ZC2HC1B: variants seen among roughly 807,000 people sequenced by gnomAD.
ZC2HC1B encodes the protein zinc finger C2HC-type containing 1B, also known as zinc finger C2HC domain-containing protein 1B.
A neutral mutation model predicts 31.0 loss-of-function variants in ZC2HC1B; 36 were observed. The ratio of observed to expected loss-of-function variants is 1.16; its 90% CI spans 0.89 to 1.54. ZC2HC1B has a LOEUF of 1.54. ZC2HC1B is among the 40% of genes most tolerant of loss of function. The pLI is 0.00. For missense variants in ZC2HC1B, 260 were observed against 268.6 expected (o/e 0.97, Z 0.22); for synonymous variants, 73 against 88.0 (o/e 0.83, Z 0.95).
rs755483406 is a variant in ZC2HC1B at position 143,886,046 on chromosome 6, A to G, written c.105A>G (p.Pro35=). The G allele has an allele frequency of 6.5e-6, 10 of 1,536,344 alleles. No individual in the cohort carries two copies. Among genetic ancestry groups the G allele is most frequent in the African/African-American group, 1.4e-5 (1 of 72,068 alleles). The stretch of plus-strand genomic sequence containing the variant: ...TCGTTTTCTAGGAAAGGCATGGACC[A>G]ATATGTAAGAAACTCTTCAACAGAA... ...FAADVLERHG[P]ICKKLFNRKR... is the part of the protein sequence containing the mutation. Residue 35 remains proline, a synonymous_variant, in exon 3 of 8, where the codon CCA becomes CCG. Transcript: ENST00000237275. The surrounding 1 kb of genome is among the most constrained non-coding windows in gnomAD (Gnocchi z 4.2).
At chr6:143,928,824 G>GGT (rs1554241647) in intron 6 of ZC2HC1B, among the ~76,000 whole-genome samples, 70 of 142,320 alleles carry the variant, frequency 4.9e-4, no homozygotes, top group Non-Finnish European at 7.3e-4. Context: ...TATTCCTAGG[G>GGT]TTTTTTTTTT....
chr6:143,900,041 C>A (rs961783281), intron 5 of ZC2HC1B, among the ~76,000 whole-genome samples: 1 of 152,118 alleles, frequency 6.6e-6, no homozygotes, highest in African/African-American at 2.4e-5. Flanking sequence ...ACAAAACATC[C>A]AGCTTGTGGC....
chr6:143,927,910 T>C (rs1419647071), intron 6 of ZC2HC1B, among the ~76,000 whole-genome samples: 1 of 152,224 alleles, frequency 6.6e-6, no homozygotes, highest in Non-Finnish European at 1.5e-5. Flanking sequence ...TTTTTTCATA[T>C]GCTTTTTGGG....
chr6:143,890,832 A>G (rs769262220), intron 4 of ZC2HC1B, among the ~76,000 whole-genome samples: 9 of 152,168 alleles, frequency 5.9e-5, no homozygotes, highest in Non-Finnish European at 1.2e-4. Context: ...ATAAACAATT[A>G]AAAAATGAAA....
intron 6 of ZC2HC1B, among the ~76,000 whole-genome samples, chr6:143,904,383 T>A (rs778417238): frequency 3.3e-5 from 5 of 152,152 alleles, no homozygotes; most frequent in Non-Finnish European, 7.3e-5. Flanking sequence ...TTTGTTTGTT[T>A]GAGACAGGGT....
At chr6:143,898,950 T>C (rs1777704158) in intron 5 of ZC2HC1B, among the ~76,000 whole-genome samples, 1 of 152,220 alleles carries the variant, frequency 6.6e-6, no homozygotes. Flanking sequence ...ATACATAGTG[T>C]TTCTATAGCA....
intron 4 of ZC2HC1B, among the ~76,000 whole-genome samples, chr6:143,888,867 T>C (rs961509482): frequency 2.0e-5 from 3 of 152,028 alleles, no homozygotes; most frequent in Non-Finnish European, 4.4e-5. Context: ...CCCTTCCCAA[T>C]TGATATGTCT....
rs572902106 is a variant in ZC2HC1B, at chr6:143,883,432, C to T, written c.29-872C>T. Reference sequence around the variant, plus strand: ...CCTTTCTCACATCTATCTTCCACAGCTCTGTTTAATTCTTCCAACTTAATG... The same window carrying T: ...CCTTTCTCACATCTATCTTCCACAGTTCTGTTTAATTCTTCCAACTTAATG... On this transcript the variant is annotated intron_variant, in intron 1 of 7. Transcript: ENST00000237275. This position sits in a 1 kb window ranked among gnomAD's most constrained non-coding sequence, Gnocchi z 4.1. Among the ~76,000 whole-genome samples the T allele has an allele frequency of 9.2e-5, 14 of 152,324 alleles. No homozygotes were observed. The highest frequency in any genetic ancestry group is 1.2e-4 in the Non-Finnish European group (8 of 68,026).
chr6:143,874,252 A>G (rs1264585386), intron 1 of ZC2HC1B, among the ~76,000 whole-genome samples: 1 of 152,162 alleles, frequency 6.6e-6, no homozygotes, highest in East Asian at 1.9e-4. Context: ...GATCACCTCA[A>G]CCTGGACCTT....
In ZC2HC1B at chr6:143,896,607, A is replaced by G. The variant is rs1777668572; in HGVS notation, c.350-1945A>G. Among the ~76,000 whole-genome samples the G allele has an allele frequency of 1.1e-4, 16 of 152,326 alleles. 1 individual carries two copies. The South Asian group carries it at 3.3e-3, about 32-fold the overall frequency. Reference sequence around the variant, plus strand: ...TATAGCAATAGCTAGCATTTACAAAACATTTAGTATGTTCCACCCCGCCCA... The same window carrying G: ...TATAGCAATAGCTAGCATTTACAAAGCATTTAGTATGTTCCACCCCGCCCA... On this transcript the variant is annotated intron_variant, in intron 4 of 7. Transcript: ENST00000237275.
Position 143,918,897 on chromosome 6 carries a change from TG to T in ZC2HC1B, c.598+15747del, listed in dbSNP as rs1777951846. On this transcript the variant is annotated intron_variant, in intron 6 of 7. Transcript: ENST00000237275. The surrounding 1 kb of genome is among the most constrained non-coding windows in gnomAD (Gnocchi z 4.1). ...TATTTTTCAGTTCTAGAATTTTATT[TG>T]GTTTCTTTTCAGGATTTATCTTCGT... is the stretch of plus-strand genomic sequence containing the variant. Among the ~76,000 whole-genome samples, 1 of 152,182 alleles carries T rather than the reference TG, an allele frequency of 6.6e-6. No homozygotes were observed. Among genetic ancestry groups the T allele is most frequent in the South Asian group, 2.1e-4 (1 of 4,832 alleles).
intron 4 of ZC2HC1B, among the ~76,000 whole-genome samples, chr6:143,894,239 A>G (rs924725876): frequency 1.3e-5 from 2 of 152,190 alleles, no homozygotes; most frequent in Admixed American, 6.5e-5. Context: ...AGCAACATAG[A>G]TGTTCTATTA....
At chr6:143,893,455 C>A (rs2128494513) in intron 4 of ZC2HC1B, among the ~76,000 whole-genome samples, 1 of 152,144 alleles carries the variant, frequency 6.6e-6, no homozygotes, top group Admixed American at 6.5e-5. Context: ...GTAATCCCAG[C>A]TACTTGGGAG....
intron 6 of ZC2HC1B, among the ~76,000 whole-genome samples, chr6:143,920,362 G>T (rs1777973114): frequency 6.6e-6 from 1 of 152,152 alleles, no homozygotes; most frequent in South Asian, 2.1e-4. Flanking sequence ...AATCAGAAAA[G>T]AATTTCCTTC....
chr6:143,931,602 A>G (rs1778119345), intron 6 of ZC2HC1B, among the ~76,000 whole-genome samples: 1 of 152,212 alleles, frequency 6.6e-6, no homozygotes, highest in Non-Finnish European at 1.5e-5. Context: ...GTTTTGCTGG[A>G]CACAGAAGTC....
At position 143,888,545 on chromosome 6, in the gene ZC2HC1B, AT is replaced by A. The variant is rs564202276; in HGVS notation, c.349+1727del. 3.3e-3 allele frequency among the ~76,000 whole-genome samples: 498 copies of A among 152,068 alleles called. 4 individuals are homozygous for A. The highest frequency in any genetic ancestry group is 9.8e-3 in the African/African-American group (405 of 41,538). On this transcript the variant is annotated intron_variant, in intron 4 of 7. Coordinates refer to ENST00000237275, the MANE Select transcript of ZC2HC1B (RefSeq NM_001013623.3). ...CATGAACATGGGATATCTTTCTATTATTTACATCTTCTTTAATTTCTTTTAG... is the reference window on the plus strand; with the variant it reads ...CATGAACATGGGATATCTTTCTATTATTACATCTTCTTTAATTTCTTTTAG...
Position 143,923,155 on chromosome 6 carries a change from CT to C in ZC2HC1B, c.599-14484del, listed in dbSNP as rs78587472. On this transcript the variant is annotated intron_variant, in intron 6 of 7. Coordinates refer to ENST00000237275, the MANE Select transcript of ZC2HC1B (RefSeq NM_001013623.3). This position sits in a 1 kb window ranked among gnomAD's most constrained non-coding sequence, Gnocchi z 4.8. ...TATACCTGTTGTCCATTTTTAAGTC[CT>C]TTTTTTTTTCCCTGTAACCAGGGGT... Among the ~76,000 whole-genome samples, 2,191 of 148,622 alleles carry C rather than the reference CT, an allele frequency of 0.015. 31 individuals carry two copies. The highest frequency in any genetic ancestry group is 0.021 in the Middle Eastern group (6 of 292).
At position 143,872,680 on chromosome 6, in the gene ZC2HC1B, A is replaced by T. The variant is rs555998863; in HGVS notation, c.28+8113A>T. Among the ~76,000 whole-genome samples, 527 of 152,338 alleles carry T rather than the reference A, an allele frequency of 3.5e-3. 5 individuals are homozygous for T. Among genetic ancestry groups the T allele is most frequent in the African/African-American group, 0.011 (471 of 41,566 alleles). On this transcript the variant is annotated intron_variant, in intron 1 of 7. Coordinates refer to ENST00000237275, the MANE Select transcript of ZC2HC1B (RefSeq NM_001013623.3). This position sits in a 1 kb window ranked among gnomAD's most constrained non-coding sequence, Gnocchi z 5.5. ...AGAATCATGGCAGAAGGCAAAAGGCACTACTTACATGGTGGCAGCAAGAGA... is the reference window on the plus strand; with the variant it reads ...AGAATCATGGCAGAAGGCAAAAGGCTCTACTTACATGGTGGCAGCAAGAGA...
rs567641079 is a variant in ZC2HC1B, at chr6:143,865,262, A to G, written c.28+695A>G. 8.5e-4 allele frequency among the ~76,000 whole-genome samples: 130 copies of G among 152,330 alleles called. No individual in the cohort carries two copies. Among genetic ancestry groups the G allele is most frequent in the African/African-American group, 3.0e-3 (123 of 41,582 alleles). On this transcript the variant is annotated intron_variant, in intron 1 of 7. Coordinates refer to ENST00000237275, the MANE Select transcript of ZC2HC1B (RefSeq NM_001013623.3). This position sits in a 1 kb window ranked among gnomAD's most constrained non-coding sequence, Gnocchi z 4.4. Reference sequence around the variant, plus strand: ...AAATGTTGGGAGCCCAAGAGATCAGAGGGTTTTTGCCTTCAGGAGCCACAT... The same window carrying G: ...AAATGTTGGGAGCCCAAGAGATCAGGGGGTTTTTGCCTTCAGGAGCCACAT...
Sources: allele counts gnomAD v4.1 joint callset (sites outside exome capture counted in the v4.1 genomes callset), GRCh38; gene constraint gnomAD v4.1.1; non-coding constraint Gnocchi (gnomAD v3.1); transcripts MANE v1.5; gene names NCBI Gene and HGNC (gene_info 2026-07-23, HGNC 2026-07-21).